YPEL1: variants seen among roughly 807,000 people sequenced by gnomAD.
YPEL1 encodes the protein yippee like 1, also known as protein yippee-like 1.
A neutral mutation model predicts 17.3 loss-of-function variants in YPEL1; 7 were observed. The observed-to-expected ratio is 0.40, with a 90% confidence interval of 0.23 to 0.76. The LOEUF is 0.76. YPEL1 is among the 30% of genes least tolerant of loss of function. The pLI is 0.35. For synonymous variants in YPEL1, 59 were observed against 59.6 expected (o/e 0.99, Z 0.05); for missense variants, 91 against 155.5 (o/e 0.59, Z 2.21).
Position 21,699,586 on chromosome 22 carries a change from C to G in YPEL1, c.*1543G>C, listed in dbSNP as rs528585669. On this transcript the variant is annotated 3_prime_UTR_variant, in exon 5 of 5. Coordinates refer to ENST00000339468, the MANE Select transcript of YPEL1 (RefSeq NM_013313.5). ...GACATGGGACAGCACCACGCAGGGA[C>G]GGGCAACGCGTCTAGCAGGCCAGGC... 6.6e-6 allele frequency: 1 copy of G among 152,604 alleles called. No individual in the cohort carries two copies. Among genetic ancestry groups the G allele is most frequent in the Non-Finnish European group, 1.5e-5 (1 of 68,048 alleles). 9.5% of individuals were successfully genotyped at this position (152,604 alleles called of 1,614,324 possible). A position where few individuals can be genotyped will look rare whatever the true frequency, so the allele number is the denominator to read the frequency against.
chr22:21,703,333 T>C lies in YPEL1; in HGVS notation c.270+37A>G. 6.3e-7 allele frequency: 1 copy of C among 1,575,758 alleles called. No individual in the cohort carries two copies. ...GGCTCAGTGGCAACTTAGTGCCACA[T>C]CCCCTTGTGGCACGAGCATCCCCTT... On this transcript the variant is annotated intron_variant, in intron 4 of 4. Transcript: ENST00000339468. The surrounding 1 kb of genome is among the most constrained non-coding windows in gnomAD (Gnocchi z 6.1).
intron 1 of YPEL1, among the ~76,000 whole-genome samples, chr22:21,729,708 C>T (rs940280736): frequency 1.3e-5 from 2 of 152,224 alleles, no homozygotes; most frequent in African/African-American, 4.8e-5. Flanking sequence ...AGGAGCACAG[C>T]CCTGGATGGG....
At chr22:21,712,578 T>G (rs1361917428) in intron 1 of YPEL1, among the ~76,000 whole-genome samples, 2 of 151,442 alleles carry the variant, frequency 1.3e-5, no homozygotes, top group Admixed American at 1.3e-4. Flanking sequence ...TACAAAAAAT[T>G]AGCCGGGCGT....
chr22:21,720,057 A>G (rs946358015), intron 1 of YPEL1, among the ~76,000 whole-genome samples: 1 of 151,110 alleles, frequency 6.6e-6, no homozygotes, highest in Admixed American at 6.6e-5. Context: ...GAGTGCCTGT[A>G]ATCCCAGCTA....
intron 1 of YPEL1, among the ~76,000 whole-genome samples, chr22:21,714,165 CCTT>C (rs768374682): frequency 2.4e-4 from 37 of 152,322 alleles, no homozygotes; most frequent in Admixed American, 5.2e-4. Context: ...TAGAGGGTCA[CCTT>C]CTCACATCTG....
In YPEL1 at chr22:21,715,711, AG is replaced by A. The variant is rs1399076765; in HGVS notation, c.-164-4804del. ...ATTCTCCTGCCTCAGCCTCCTGAGT[AG>A]CTGGGACTACTGGCACGTGCCACCA... is the stretch of plus-strand genomic sequence containing the variant. On this transcript the variant is annotated intron_variant, in intron 1 of 4. Coordinates refer to ENST00000339468, the MANE Select transcript of YPEL1 (RefSeq NM_013313.5). Among the ~76,000 whole-genome samples the A allele has an allele frequency of 6.7e-4, 80 of 119,114 alleles. 7 individuals are homozygous for A. The highest frequency in any genetic ancestry group is 1.8e-3 in the South Asian group (7 of 3,826). The allele number at this position is 119,114 out of a possible 152,430, so 78.1% of individuals were successfully genotyped here. A position where few individuals can be genotyped will look rare whatever the true frequency, so the allele number is the denominator to read the frequency against.
Position 21,716,315 on chromosome 22 carries a change from T to C in YPEL1, c.-164-5407A>G, listed in dbSNP as rs185853979. Among the ~76,000 whole-genome samples, 15 of 152,150 alleles carry C rather than the reference T, an allele frequency of 9.9e-5. No individual in the cohort carries two copies. In the East Asian group the frequency reaches 2.7e-3, roughly 27 times the overall value. ...TTGGACCAGCCCTCCCACTGAGAAG[T>C]ACCAAAAATGCTGACAAAATAAAAG... is the stretch of plus-strand genomic sequence containing the variant. On this transcript the variant is annotated intron_variant, in intron 1 of 4. Coordinates refer to ENST00000339468, the MANE Select transcript of YPEL1 (RefSeq NM_013313.5).
Position 21,703,977 on chromosome 22 carries a change from A to AGCTGCGCCGGGAC in YPEL1, c.118-108_118-96dup. ...AGGGGAGTCCAGCCCCGCGGCTGTT[A>AGCTGCGCCGGGAC]GCTGCGCCGGGACGCGTCACCGGGA... On this transcript the variant is annotated intron_variant, in intron 2 of 4. Coordinates refer to ENST00000339468, the MANE Select transcript of YPEL1 (RefSeq NM_013313.5). This position sits in a 1 kb window ranked among gnomAD's most constrained non-coding sequence, Gnocchi z 6.1. 1 of 1,424,310 alleles carries AGCTGCGCCGGGAC rather than the reference A, an allele frequency of 7.0e-7. No individual in the cohort carries two copies. The highest frequency in any genetic ancestry group is 9.7e-7 in the Non-Finnish European group (1 of 1,030,862). 88.2% of individuals were successfully genotyped at this position (1,424,310 alleles called of 1,614,324 possible).
In YPEL1 at chr22:21,703,269, T is replaced by C. The variant is rs2148595146; in HGVS notation, c.270+101A>G. ...GAGGAACTGGGGTTTCTGAAAGTGC[T>C]GTGACTGGTACCATGGGCCACACTG... On this transcript the variant is annotated intron_variant, in intron 4 of 4. Transcript: ENST00000339468. This position sits in a 1 kb window ranked among gnomAD's most constrained non-coding sequence, Gnocchi z 6.1. 1 of 1,023,440 alleles carries C rather than the reference T, an allele frequency of 9.8e-7. No individual in the cohort carries two copies. 63.4% of individuals were successfully genotyped at this position (1,023,440 alleles called of 1,614,324 possible). A position where few individuals can be genotyped will look rare whatever the true frequency, so the allele number is the denominator to read the frequency against.
Position 21,720,251 on chromosome 22 carries a change from G to A in YPEL1, c.-164-9343C>T, listed in dbSNP as rs562228427. Among the ~76,000 whole-genome samples, 43 of 150,458 alleles carry A rather than the reference G, an allele frequency of 2.9e-4. No homozygotes were observed. In the Middle Eastern group the frequency reaches 0.011, roughly 37 times the overall value. The stretch of plus-strand genomic sequence containing the variant: ...AAGGTCTCAGTCTGTTGCCGAGGCC[G>A]GAGTGCAGTGGCATGGTCACACAGC... On this transcript the variant is annotated intron_variant, in intron 1 of 4. Coordinates refer to ENST00000339468, the MANE Select transcript of YPEL1 (RefSeq NM_013313.5).
chr22:21,704,657 C>CG (rs375017169), intron 2 of YPEL1, among the ~76,000 whole-genome samples: 2 of 104,836 alleles, frequency 1.9e-5, no homozygotes, highest in African/African-American at 7.9e-5. Flanking sequence ...AACCCCGTCT[C>CG]GAAAAAAAAA....
At position 21,703,337 on chromosome 22, in the gene YPEL1, C is replaced by T. The variant is rs755078327; in HGVS notation, c.270+33G>A. ...CAGTGGCAACTTAGTGCCACATCCCCTTGTGGCACGAGCATCCCCTTGTGG... is the reference window on the plus strand; with the variant it reads ...CAGTGGCAACTTAGTGCCACATCCCTTTGTGGCACGAGCATCCCCTTGTGG... On this transcript the variant is annotated intron_variant, in intron 4 of 4. Coordinates refer to ENST00000339468, the MANE Select transcript of YPEL1 (RefSeq NM_013313.5). This position sits in a 1 kb window ranked among gnomAD's most constrained non-coding sequence, Gnocchi z 6.1. 4.4e-6 allele frequency: 7 copies of T among 1,589,436 alleles called. No individual in the cohort carries two copies. The African/African-American group carries it at 6.7e-5, about 15-fold the overall frequency.
rs1010853394 is a variant in YPEL1, at chr22:21,700,976, C to T, written c.*153G>A. ...AGGACAGATCCGAGGGACACCTTAC[C>T]CACAGAGATGGCCGAGAGTGTCAAG... is the stretch of plus-strand genomic sequence containing the variant. On this transcript the variant is annotated 3_prime_UTR_variant, in exon 5 of 5. Coordinates refer to ENST00000339468, the MANE Select transcript of YPEL1 (RefSeq NM_013313.5). 20 of 604,356 alleles carry T rather than the reference C, an allele frequency of 3.3e-5. No individual in the cohort carries two copies. Among genetic ancestry groups the T allele is most frequent in the Non-Finnish European group, 5.8e-6 (2 of 341,952 alleles). The allele number at this position is 604,356 out of a possible 1,614,324, so 37.4% of individuals were successfully genotyped here. A position where few individuals can be genotyped will look rare whatever the true frequency, so the allele number is the denominator to read the frequency against.
At chr22:21,733,279 T>C (rs1193877505) in intron 1 of YPEL1, among the ~76,000 whole-genome samples, 1 of 151,528 alleles carries the variant, frequency 6.6e-6, no homozygotes, top group Non-Finnish European at 1.5e-5. Flanking sequence ...TAGCTGGGTG[T>C]GGTGGCACAT....
At chr22:21,716,157 C>T (rs1239840086) in intron 1 of YPEL1, among the ~76,000 whole-genome samples, 1 of 152,140 alleles carries the variant, frequency 6.6e-6, no homozygotes, top group African/African-American at 2.4e-5. Flanking sequence ...GATCTGCCTG[C>T]CCCGGCTTCC....
intron 4 of YPEL1, 106 bp from the exon 5 acceptor site, chr22:21,701,324 C>T (rs2068064144): frequency 1.3e-6 from 1 of 794,192 alleles, no homozygotes; most frequent in African/African-American, 1.7e-5. Context: ...AACTATATAC[C>T]CAGATGTTCC....
intron 1 of YPEL1, among the ~76,000 whole-genome samples, chr22:21,730,159 GCAA>G (rs747061019): frequency 5.3e-5 from 8 of 151,594 alleles, no homozygotes; most frequent in East Asian, 1.9e-4. Context: ...CTCAACAAAA[GCAA>G]CAACAACAAC....
intron 1 of YPEL1, among the ~76,000 whole-genome samples, chr22:21,719,328 T>G (rs2148608779): frequency 6.6e-6 from 1 of 152,354 alleles, no homozygotes; most frequent in African/African-American, 2.4e-5. Context: ...CTTACTGAAC[T>G]CATGTTCAAT....
intron 1 of YPEL1, among the ~76,000 whole-genome samples, chr22:21,715,978 T>C (rs2068219894): frequency 6.6e-6 from 1 of 152,162 alleles, no homozygotes; most frequent in South Asian, 2.1e-4. Context: ...GTCAGGCTGG[T>C]CTCAAACTCC....
Sources: allele counts gnomAD v4.1 joint callset (sites outside exome capture counted in the v4.1 genomes callset), GRCh38; gene constraint gnomAD v4.1.1; non-coding constraint Gnocchi (gnomAD v3.1); transcripts MANE v1.5; gene names NCBI Gene and HGNC (gene_info 2026-07-23, HGNC 2026-07-21).